KIAA1217: variants seen among roughly 807,000 people sequenced by gnomAD.
KIAA1217 encodes KIAA1217.
A neutral mutation model predicts 163.9 loss-of-function variants in KIAA1217; 88 were observed. That is an observed-to-expected ratio of 0.54 (90% confidence interval 0.45 to 0.64). KIAA1217 has a LOEUF of 0.64. Among genes scored for constraint, KIAA1217 ranks in the 30% least tolerant of loss-of-function variants. KIAA1217 has a pLI of 0.00. For synonymous variants in KIAA1217, 903 were observed against 923.1 expected (o/e 0.98, Z 0.39); for missense variants, 2,372 against 2,475.0 (o/e 0.96, Z 0.88).
chr10:24,333,049 T>C (rs577189111), intron 2 of KIAA1217, among the ~76,000 whole-genome samples: 1 of 152,216 alleles, frequency 6.6e-6, no homozygotes, highest in East Asian at 1.9e-4. Flanking sequence ...TGAGACTAAG[T>C]CTTGCTCTGT....
chr10:24,202,471 G>A (rs1431110269), intron 2 of KIAA1217, among the ~76,000 whole-genome samples: 1 of 152,098 alleles, frequency 6.6e-6, no homozygotes, highest in African/African-American at 2.4e-5. Context: ...TCCTTCTCCT[G>A]CATCAGGGTG....
At chr10:24,154,017 G>A (rs1162150133) in intron 2 of KIAA1217, among the ~76,000 whole-genome samples, 1 of 150,600 alleles carries the variant, frequency 6.6e-6, no homozygotes, top group Non-Finnish European at 1.5e-5. Context: ...GAGTGCAGTG[G>A]CGGGATCTCG....
chr10:24,050,244 G>A (rs553911063), intron 2 of KIAA1217, among the ~76,000 whole-genome samples: 7 of 152,112 alleles, frequency 4.6e-5, no homozygotes, highest in African/African-American at 9.6e-5. Context: ...ATTTTCTCCT[G>A]TTCTGTAGGT....
chr10:23,815,366 T>C (rs570810369), intron 1 of KIAA1217, among the ~76,000 whole-genome samples: 26 of 152,268 alleles, frequency 1.7e-4, no homozygotes, highest in Admixed American at 6.5e-4. Context: ...TAATTTAGGC[T>C]GGGCGCGGTG....
At chr10:24,045,266 C>T (rs1424607256) in intron 2 of KIAA1217, among the ~76,000 whole-genome samples, 1 of 152,002 alleles carries the variant, frequency 6.6e-6, no homozygotes, top group East Asian at 1.9e-4. Context: ...TCTCTCGAAG[C>T]TTTAAGGATC....
chr10:24,063,859 C>T (rs1025301888), intron 2 of KIAA1217, among the ~76,000 whole-genome samples: 2 of 152,164 alleles, frequency 1.3e-5, no homozygotes. Flanking sequence ...TCCTTCACAT[C>T]CCTTGTAAGT....
At chr10:24,112,752 T>C (rs1342129183) in intron 2 of KIAA1217, among the ~76,000 whole-genome samples, 1 of 151,132 alleles carries the variant, frequency 6.6e-6, no homozygotes, top group Non-Finnish European at 1.5e-5. Context: ...GCCCGGCCAA[T>C]TTTTTTTGTT....
At chr10:24,201,467 G>A (rs1234767466) in intron 2 of KIAA1217, among the ~76,000 whole-genome samples, 1 of 152,118 alleles carries the variant, frequency 6.6e-6, no homozygotes, top group Non-Finnish European at 1.5e-5. Flanking sequence ...TGTCATCTGG[G>A]AAATGAAGAA....
At chr10:24,306,863 G>A (rs899773107) in intron 2 of KIAA1217, among the ~76,000 whole-genome samples, 1 of 152,150 alleles carries the variant, frequency 6.6e-6, no homozygotes, top group African/African-American at 2.4e-5. Flanking sequence ...TCCTCCTCTT[G>A]TCATATATTT....
chr10:24,494,649 C>A, intron 7 of KIAA1217, 45 bp downstream of exon 7: 1 of 1,253,356 alleles, frequency 8.0e-7, no homozygotes, highest in Non-Finnish European at 1.2e-6. Flanking sequence ...CAATCTGTTT[C>A]TCTTTTAATC....
chr10:24,532,879 C>T (rs138386338), intron 15 of KIAA1217, among the ~76,000 whole-genome samples, 191 bp from the exon 16 acceptor site: 9 of 152,286 alleles, frequency 5.9e-5, no homozygotes, highest in African/African-American at 1.9e-4. Flanking sequence ...TTAATCCATT[C>T]ACCAAAATGA....
At chr10:24,130,702 C>T (rs1370754177) in intron 2 of KIAA1217, among the ~76,000 whole-genome samples, 2 of 152,208 alleles carry the variant, frequency 1.3e-5, no homozygotes, top group Non-Finnish European at 2.9e-5. Context: ...ATTACCTTTT[C>T]ATGCACCTCA....
rs978061359 is a variant in KIAA1217, at chr10:24,027,892, G to A, written c.-171+20518G>A. ...CACAGTGTCTAATAGCACAATCTGGGTGAATAGATTGCCTGAGTTTCAAGT... is the reference window on the plus strand; with the variant it reads ...CACAGTGTCTAATAGCACAATCTGGATGAATAGATTGCCTGAGTTTCAAGT... On this transcript the variant is annotated intron_variant, in intron 2 of 18. Transcript: ENST00000376462. Among the ~76,000 whole-genome samples, 34 of 152,054 alleles carry A rather than the reference G, an allele frequency of 2.2e-4. 1 individual carries two copies. The highest frequency in any genetic ancestry group is 2.4e-4 in the Non-Finnish European group (16 of 67,996).
chr10:24,104,754 G>A (rs1420210226), intron 2 of KIAA1217, among the ~76,000 whole-genome samples: 3 of 152,096 alleles, frequency 2.0e-5, no homozygotes, highest in Non-Finnish European at 2.9e-5. Context: ...GCACATGTAG[G>A]GACAAAAAGT....
chr10:24,079,024 C>T (rs1035956170), intron 2 of KIAA1217, among the ~76,000 whole-genome samples: 18 of 152,156 alleles, frequency 1.2e-4, no homozygotes, highest in Non-Finnish European at 1.9e-4. Context: ...CTTAGCATGG[C>T]GAGGGATGAA....
chr10:24,449,579 A>G (rs2061233534), intron 5 of KIAA1217: 1 of 985,340 alleles, frequency 1.0e-6, no homozygotes, highest in African/African-American at 1.7e-5. Context: ...TTTTAACAAG[A>G]GTGGATACTG....
chr10:24,371,081 G>GT (rs2134495965), intron 2 of KIAA1217, among the ~76,000 whole-genome samples: 1 of 152,268 alleles, frequency 6.6e-6, no homozygotes, highest in South Asian at 2.1e-4. Flanking sequence ...TCTTTAAATA[G>GT]CTTTTGTCTC....
At chr10:24,220,738 G>A (rs1027549581) in intron 2 of KIAA1217, among the ~76,000 whole-genome samples, 8 of 146,880 alleles carry the variant, frequency 5.4e-5, no homozygotes, top group African/African-American at 2.0e-4. Flanking sequence ...ACAGGCGTAA[G>A]CCACTGCACC....
At chr10:23,986,087 A>G (rs1564588167) in intron 1 of KIAA1217, among the ~76,000 whole-genome samples, 1 of 152,242 alleles carries the variant, frequency 6.6e-6, no homozygotes, top group Non-Finnish European at 1.5e-5. Flanking sequence ...AGTAAAGTTG[A>G]TATCCCAGGA....
Sources: allele counts gnomAD v4.1 joint callset (sites outside exome capture counted in the v4.1 genomes callset), GRCh38; gene constraint gnomAD v4.1.1; transcripts MANE v1.5; gene names NCBI Gene and HGNC (gene_info 2026-07-23, HGNC 2026-07-21).